The following TEKT1 variants were observed in gnomAD, a reference collection of about 807,000 sequenced individuals.
TEKT1 encodes the protein tektin 1, also known as tektin-1.
Under a neutral mutation model 34.8 loss-of-function variants are expected in TEKT1, and 32 were observed. That is an observed-to-expected ratio of 0.92 (90% CI 0.69 to 1.23). The LOEUF (loss-of-function observed/expected upper bound fraction) is 1.23. TEKT1 is among the 50% of genes most tolerant of loss of function. The probability of loss-of-function intolerance (pLI) is 0.00; values close to 1 mark genes in which losing one functional copy is unlikely to be tolerated. For missense variants in TEKT1, 492 were observed against 518.5 expected (o/e 0.95, Z 0.50); for synonymous variants, 207 against 199.8 (o/e 1.04, Z -0.30).
chr17:6,804,240 C>T (rs959546022), intron 6 of TEKT1, among the ~76,000 whole-genome samples: 10 of 152,142 alleles, frequency 6.6e-5, no homozygotes, highest in Non-Finnish European at 1.5e-4. Context: ...TGGGAGTTCA[C>T]TCATGATTTG....
intron 2 of TEKT1, among the ~76,000 whole-genome samples, chr17:6,820,477 TG>T (rs1248029215): frequency 1.3e-5 from 2 of 152,106 alleles, no homozygotes; most frequent in South Asian, 2.1e-4. Flanking sequence ...AAGCTGACTC[TG>T]TTTTAAAAAA....
intron 2 of TEKT1, among the ~76,000 whole-genome samples, chr17:6,829,950 T>C (rs938462841): frequency 6.6e-6 from 1 of 152,200 alleles, no homozygotes; most frequent in Non-Finnish European, 1.5e-5. Context: ...TGCCCATAGA[T>C]GCTCAATAAC....
rs545818390 is a variant in TEKT1 at position 6,821,157 on chromosome 17, T to C, written c.191-1799A>G. Among the ~76,000 whole-genome samples the C allele has an allele frequency of 3.3e-5, 5 of 152,328 alleles. No homozygotes were observed. In the East Asian group the frequency reaches 9.6e-4, roughly 29 times the overall value. The stretch of plus-strand genomic sequence containing the variant: ...CACACTGGTGTCAAACTTATTTAAT[T>C]GTTGTGTCACATGCCAGATATACCC... On this transcript the variant is annotated intron_variant, in intron 2 of 7. Coordinates refer to ENST00000338694, the MANE Select transcript of TEKT1 (RefSeq NM_053285.2).
intron 5 of TEKT1, among the ~76,000 whole-genome samples, chr17:6,814,609 C>T (rs558929528): frequency 2.0e-5 from 3 of 152,076 alleles, no homozygotes; most frequent in South Asian, 2.1e-4. Flanking sequence ...GAGGCCGAGG[C>T]GGGCAGATCA....
intron 3 of TEKT1, among the ~76,000 whole-genome samples, chr17:6,816,711 T>C (rs547288918): frequency 2.0e-5 from 3 of 152,354 alleles, no homozygotes; most frequent in South Asian, 4.1e-4. Context: ...TATGTCTTTA[T>C]AGTAGCATGA....
intron 6 of TEKT1, among the ~76,000 whole-genome samples, chr17:6,804,726 T>C (rs904409886): frequency 1.3e-5 from 2 of 152,226 alleles, no homozygotes; most frequent in African/African-American, 4.8e-5. Context: ...AATCATATGG[T>C]TTTTGTCATT....
intron 7 of TEKT1, 129 bp downstream of exon 7, chr17:6,800,618 G>C: frequency 1.7e-6 from 2 of 1,171,340 alleles, no homozygotes; most frequent in Non-Finnish European, 2.4e-6. Context: ...CTTCCCTCTA[G>C]GGGGCATTCC....
In TEKT1 at chr17:6,802,751, C is replaced by T. The variant is rs147756415; in HGVS notation, c.853-1808G>A. ...TGCGGTGTTTGGTTTTTTGTCTTTGCGATAGTTTGCTGAGAATGATGGTTT... is the reference window on the plus strand; with the variant it reads ...TGCGGTGTTTGGTTTTTTGTCTTTGTGATAGTTTGCTGAGAATGATGGTTT... On this transcript the variant is annotated intron_variant, in intron 6 of 7. Coordinates refer to ENST00000338694, the MANE Select transcript of TEKT1 (RefSeq NM_053285.2). Among the ~76,000 whole-genome samples, 58 of 151,320 alleles carry T rather than the reference C, an allele frequency of 3.8e-4. No individual in the cohort carries two copies. In the East Asian group the frequency reaches 4.7e-3, roughly 12 times the overall value.
At chr17:6,816,138 CA>C (rs1164926323) in intron 3 of TEKT1, among the ~76,000 whole-genome samples, 176 bp from the exon 4 acceptor site, 2 of 152,182 alleles carry the variant, frequency 1.3e-5, no homozygotes, top group African/African-American at 4.8e-5. Flanking sequence ...TCAAAATATC[CA>C]AACACAATGA....
In TEKT1 at chr17:6,800,868, C is replaced by CT. The variant is rs1886217146; in HGVS notation, c.927dup (p.Ala310SerfsTer22). 1 of 1,614,072 alleles carries CT rather than the reference C, an allele frequency of 6.2e-7. No homozygotes were observed. The highest frequency in any genetic ancestry group is 1.3e-5 in the African/African-American group (1 of 74,918). ...TCCAAGCGCGTATGAGCCACCTTGGCTGGCCCTTCTTGGTCAAGGATGGCC... is the reference window on the plus strand; with the variant it reads ...TCCAAGCGCGTATGAGCCACCTTGGCTTGGCCCTTCTTGGTCAAGGATGGCC... On this transcript the variant is annotated frameshift_variant, in exon 7 of 8. Transcript: ENST00000338694. LOFTEE classifies it high-confidence loss of function.
At position 6,819,219 on chromosome 17, in the gene TEKT1, G is replaced by C; in HGVS notation, c.330C>G (p.His110Gln). 6.2e-7 allele frequency: 1 copy of C among 1,613,870 alleles called. No homozygotes were observed. The highest frequency in any genetic ancestry group is 8.5e-7 in the Non-Finnish European group (1 of 1,179,902). ...KALETLKEPL[H>Q]ITETCLAYRE... is the part of the protein sequence containing the mutation. ...TGTATGCCAGGCATGTCTCAGTGAT[G>C]TGCAAGGGCTCTTTCAAGGTCTCCA... Residue 110 changes from histidine (H) to glutamine (Q), a missense_variant, in exon 3 of 8, where the codon CAC (histidine) becomes CAG (glutamine). His to Gln is a conservative substitution (Grantham distance 24, BLOSUM62 0). Transcript: ENST00000338694.
At chr17:6,824,508 G>A (rs1904342982) in intron 2 of TEKT1, among the ~76,000 whole-genome samples, 1 of 152,098 alleles carries the variant, frequency 6.6e-6, no homozygotes, top group Middle Eastern at 3.2e-3. Flanking sequence ...TTTTGTCCAA[G>A]CTATCTCCTT....
intron 6 of TEKT1, among the ~76,000 whole-genome samples, chr17:6,812,222 G>T (rs1976937774): frequency 6.6e-6 from 1 of 152,062 alleles, no homozygotes; most frequent in South Asian, 2.1e-4. Context: ...AGTTTCCTGA[G>T]GCCTCCCCAG....
At position 6,813,071 on chromosome 17, in the gene TEKT1, C is replaced by T; in HGVS notation, c.630-18G>A. ...TCACGGAGCTGAAACAGACCTCACG[C>T]TTTCATTCACAGCATATTTGGGGTG... is the stretch of plus-strand genomic sequence containing the variant. On this transcript the variant is annotated intron_variant, in intron 5 of 7. Transcript: ENST00000338694. The T allele has an allele frequency of 6.2e-7, 1 of 1,603,438 alleles. No individual in the cohort carries two copies. The highest frequency in any genetic ancestry group is 8.5e-7 in the Non-Finnish European group (1 of 1,173,198).
At position 6,830,203 on chromosome 17, in the gene TEKT1, A is replaced by G. The variant is rs765005576; in HGVS notation, c.174T>C (p.Asp58=). ...TTGTCTTACCTAGTTTCTTGTTCACATCGCTTTGAGATTTTCTTGTGGTCT... is the reference window on the plus strand; with the variant it reads ...TTGTCTTACCTAGTTTCTTGTTCACGTCGCTTTGAGATTTTCTTGTGGTCT... ...IEKTTRKSQS[D]VNKKLEQRLE... The change falls in exon 2 of 8, where the codon GAT becomes GAC. Residue 58 remains aspartate (D), a synonymous_variant. Coordinates refer to ENST00000338694, the MANE Select transcript of TEKT1 (RefSeq NM_053285.2). 1.2e-6 allele frequency: 2 copies of G among 1,609,660 alleles called. No individual in the cohort carries two copies. The highest frequency in any genetic ancestry group is 1.7e-5 in the Admixed American group (1 of 58,460).
intron 2 of TEKT1, among the ~76,000 whole-genome samples, chr17:6,819,567 T>C (rs1977058034): frequency 6.6e-6 from 1 of 152,248 alleles, no homozygotes; most frequent in Non-Finnish European, 1.5e-5. Flanking sequence ...ATCAGATTTA[T>C]CATTCTACAC....
intron 5 of TEKT1, among the ~76,000 whole-genome samples, chr17:6,813,639 T>A (rs952486326): frequency 6.6e-6 from 1 of 150,834 alleles, no homozygotes; most frequent in Non-Finnish European, 1.5e-5. Context: ...AAAACCAACC[T>A]ATTACAAGTC....
In TEKT1 at chr17:6,815,963, C is replaced by T. The variant is rs148724722; in HGVS notation, c.357-1G>A. The T allele has an allele frequency of 1.0e-3, 1,621 of 1,613,860 alleles. 5 individuals are homozygous for T. Among genetic ancestry groups the T allele is most frequent in the Non-Finnish European group, 1.3e-3 (1,487 of 1,180,016 alleles). On this transcript the variant is annotated splice_acceptor_variant, in intron 3 of 7. Coordinates refer to ENST00000338694, the MANE Select transcript of TEKT1 (RefSeq NM_053285.2). LOFTEE classifies it high-confidence loss of function. ...CAGGTCAATGCCAATGCGCTTCTCC[C>T]TGGCAGGGGGAAAGGCAGCCAGTCA...
intron 7 of TEKT1, 130 bp downstream of exon 7, chr17:6,800,617 A>G (rs1976756618): frequency 7.8e-6 from 9 of 1,160,650 alleles, no homozygotes; most frequent in Non-Finnish European, 1.1e-5. Context: ...ACTTCCCTCT[A>G]GGGGGCATTC....
Sources: gnomAD v4.1 joint callset for allele counts (sites outside exome capture counted in the v4.1 genomes callset) on GRCh38, gnomAD v4.1.1 for gene constraint, MANE v1.5 for transcripts, NCBI Gene and HGNC (gene_info 2026-07-23, HGNC 2026-07-21) for gene names.